RUBCN: variants seen among roughly 807,000 people sequenced by gnomAD.
RUBCN encodes the protein rubicon autophagy regulator.
A neutral mutation model predicts 113.2 loss-of-function variants in RUBCN; 74 were observed. The observed-to-expected ratio is 0.65, with a 90% CI of 0.54 to 0.79. The LOEUF is 0.79. RUBCN is among the 30% of genes least tolerant of loss of function. The pLI is 0.00. For synonymous variants in RUBCN, 480 were observed against 490.0 expected, an observed-to-expected ratio of 0.98 and a Z score of 0.27; for missense variants, 1,109 against 1,251.7, an observed-to-expected ratio of 0.89 and a Z score of 1.72.
Position 197,678,209 on chromosome 3 carries a change from A to G in RUBCN, c.2431-668T>C, listed in dbSNP as rs138427258. Among the ~76,000 whole-genome samples the G allele has an allele frequency of 5.0e-3, 746 of 149,574 alleles. 6 individuals are homozygous for G. Among genetic ancestry groups the G allele is most frequent in the Middle Eastern group, 0.017 (5 of 288 alleles). ...GCTCTAACTCGACAACTGGCTTCAGACTGTTGTATGCTCTAACTCGATACC... is the reference window on the plus strand; with the variant it reads ...GCTCTAACTCGACAACTGGCTTCAGGCTGTTGTATGCTCTAACTCGATACC... On this transcript the variant is annotated intron_variant, in intron 16 of 19. Transcript: ENST00000296343.
At chr3:197,680,114 C>T (rs1721030820) in intron 16 of RUBCN, among the ~76,000 whole-genome samples, 1 of 130,628 alleles carries the variant, frequency 7.7e-6, no homozygotes, top group Non-Finnish European at 1.6e-5. Context: ...GCTCTGACAA[C>T]TGGCTTCAGA....
At chr3:197,736,311 T>C (rs945797251) in intron 1 of RUBCN, among the ~76,000 whole-genome samples, 1 of 152,166 alleles carries the variant, frequency 6.6e-6, no homozygotes, top group Non-Finnish European at 1.5e-5. Flanking sequence ...CCCCTGTCTA[T>C]AGACTCTGGC....
intron 16 of RUBCN, among the ~76,000 whole-genome samples, chr3:197,680,797 C>T (rs1019236174): frequency 6.6e-6 from 1 of 152,044 alleles, no homozygotes; most frequent in African/African-American, 2.4e-5. Flanking sequence ...CTTTTGCCCT[C>T]AAGTGCTATC....
chr3:197,734,942 TA>T (rs1406259312), intron 1 of RUBCN, among the ~76,000 whole-genome samples: 2 of 152,246 alleles, frequency 1.3e-5, no homozygotes, highest in African/African-American at 4.8e-5. Context: ...ACTTTGCACA[TA>T]AAAGTAGAGT....
upstream of RUBCN, among the ~76,000 whole-genome samples, chr3:197,738,122 G>T (rs1034879177): frequency 7.9e-5 from 12 of 152,154 alleles, no homozygotes; most frequent in African/African-American, 2.7e-4. Flanking sequence ...ATTTTTAAAC[G>T]TTGGCAACAA....
chr3:197,730,795 C>CT (rs1182498797), intron 1 of RUBCN, among the ~76,000 whole-genome samples: 4 of 149,946 alleles, frequency 2.7e-5, no homozygotes, highest in Non-Finnish European at 5.9e-5. Flanking sequence ...GCCAGCAAGT[C>CT]TAGCAGACAT....
rs1230038521 is a variant in RUBCN at position 197,675,196 on chromosome 3, T to C, written c.2741A>G (p.Glu914Gly). ...FELHKCRTCE[E>G]CKACYHKACF... The stretch of plus-strand genomic sequence containing the variant: ...GGCTTTATGGTAACACGCTTTACAC[T>C]CTACTCAGGTTGGGAAGGTGGGGGA... The change falls in exon 20 of 20, where the codon GAG (glutamate) becomes GGG (glycine). Residue 914 changes from glutamate to glycine, a missense_variant and splice_region_variant. Around this residue, in one of 3 missense-constraint regions of RUBCN, gnomAD observed 306 missense variants for 348.9 expected, o/e 0.88. Transcript: ENST00000296343. This position sits in a 1 kb window ranked among gnomAD's most constrained non-coding sequence, Gnocchi z 4.4. 6.2e-7 allele frequency: 1 copy of C among 1,614,058 alleles called. No homozygotes were observed. Among genetic ancestry groups the C allele is most frequent in the South Asian group, 1.1e-5 (1 of 91,088 alleles).
At chr3:197,680,481 T>C (rs1272946207) in intron 16 of RUBCN, among the ~76,000 whole-genome samples, 1 of 151,504 alleles carries the variant, frequency 6.6e-6, no homozygotes, top group Non-Finnish European at 1.5e-5. Context: ...GGCTCCAGAC[T>C]GTCCTACGCT....
chr3:197,698,019 G>A (rs1723203568), intron 7 of RUBCN, among the ~76,000 whole-genome samples: 1 of 152,078 alleles, frequency 6.6e-6, no homozygotes, highest in Non-Finnish European at 1.5e-5. Context: ...ACGATGCCTT[G>A]GTAAAAAACC....
At chr3:197,715,973 T>C (rs924531338) in intron 2 of RUBCN, among the ~76,000 whole-genome samples, 31 of 151,914 alleles carry the variant, frequency 2.0e-4, no homozygotes, top group African/African-American at 6.8e-4. Flanking sequence ...GAAGAGCTGA[T>C]TATTTTGTCT....
At chr3:197,749,352 G>A in exon 1 of RUBCN, 1 of 1,169,832 alleles carries the variant, frequency 8.5e-7, no homozygotes, top group Non-Finnish European at 1.1e-6. Context: ...AGAAGGTACA[G>A]ACACGGGAAA....
chr3:197,683,444 A>G lies in RUBCN; in HGVS notation c.1848-5T>C. The G allele has an allele frequency of 6.2e-7, 1 of 1,613,912 alleles. No homozygotes were observed. Among genetic ancestry groups the G allele is most frequent in the South Asian group, 1.1e-5 (1 of 91,066 alleles). ...GAGTGCAGGAAGCAGTGGGAGCTGG[A>G]AAGGGGAGAATCAAGGACGGCTGAA... On this transcript the variant is annotated splice_region_variant and splice_polypyrimidine_tract_variant and intron_variant, in intron 12 of 19. Coordinates refer to ENST00000296343, the MANE Select transcript of RUBCN (RefSeq NM_014687.4). This position sits in a 1 kb window ranked among gnomAD's most constrained non-coding sequence, Gnocchi z 4.6.
chr3:197,745,145 C>T (rs1231719974), intron 1 of RUBCN, among the ~76,000 whole-genome samples: 8 of 151,698 alleles, frequency 5.3e-5, no homozygotes, highest in South Asian at 4.2e-4. Flanking sequence ...TTTAGCCAGG[C>T]GTGGTGGCAC....
intron 4 of RUBCN, 126 bp from the exon 5 acceptor site, chr3:197,703,780 T>G (rs534990274): frequency 3.0e-4 from 210 of 704,846 alleles, no homozygotes; most frequent in Admixed American, 4.3e-4. Flanking sequence ...AGAAACAAAG[T>G]AGAGGAGAAG....
chr3:197,685,177 C>G (rs1248724573), intron 11 of RUBCN, among the ~76,000 whole-genome samples: 1 of 152,224 alleles, frequency 6.6e-6, no homozygotes, highest in Non-Finnish European at 1.5e-5. Flanking sequence ...TCAGAGACCT[C>G]ATCTACCCAA....
chr3:197,731,900 T>G (rs1285309271), intron 1 of RUBCN, among the ~76,000 whole-genome samples: 3 of 152,224 alleles, frequency 2.0e-5, no homozygotes, highest in South Asian at 4.1e-4. Flanking sequence ...GCCATTATAT[T>G]TGGAAATGGA....
intron 10 of RUBCN, 166 bp downstream of exon 10, chr3:197,694,209 G>T (rs1440980234): frequency 2.6e-6 from 2 of 761,986 alleles, no homozygotes; most frequent in Admixed American, 1.9e-5. Context: ...AGGTATTTCT[G>T]ATGCAGGAAA....
intron 2 of RUBCN, among the ~76,000 whole-genome samples, chr3:197,715,797 T>C (rs1725455658): frequency 6.6e-6 from 1 of 152,254 alleles, no homozygotes; most frequent in African/African-American, 2.4e-5. Context: ...TAGTCACTTT[T>C]ATGCCTGCTA....
In RUBCN at chr3:197,700,722, G is replaced by A. The variant is rs774303634; in HGVS notation, c.1152C>T (p.Leu384=). Residue 384 remains leucine (L), a synonymous_variant, in exon 7 of 20, where the codon CTC becomes CTT. Coordinates refer to ENST00000296343, the MANE Select transcript of RUBCN (RefSeq NM_014687.4). ...GCCCCTCTGAGAAGCTGGACCTGCG[G>A]AGGACACTGGACAGCTGGCTCTCCC... The part of the protein sequence containing the change: ...GGGESQLSSV[L]RRSSFSEGQT... 1.2e-6 allele frequency: 2 copies of A among 1,614,226 alleles called. No homozygotes were observed. The highest frequency in any genetic ancestry group is 2.2e-5 in the South Asian group (2 of 91,086).
Sources: gnomAD v4.1 joint callset for allele counts (sites outside exome capture counted in the v4.1 genomes callset) on GRCh38, gnomAD v4.1.1 for gene constraint, gnomAD v4.1.1 regional missense constraint, Gnocchi (gnomAD v3.1) non-coding constraint, MANE v1.5 for transcripts, NCBI Gene and HGNC (gene_info 2026-07-23, HGNC 2026-07-21) for gene names.